The following C10orf90 variants were observed in gnomAD, a reference collection of about 807,000 sequenced individuals.
C10orf90 encodes (E2-independent) E3 ubiquitin-conjugating enzyme FATS.
C10orf90 carries 56 observed loss-of-function variants against 62.5 expected under a neutral mutation model. That is an observed-to-expected ratio of 0.90 (90% CI 0.72 to 1.12). The LOEUF is 1.12. Among genes scored for constraint, C10orf90 ranks in the 50% most tolerant of loss-of-function variants. The probability of loss-of-function intolerance (pLI) is 0.00; values close to 1 mark genes in which losing one functional copy is unlikely to be tolerated. For synonymous variants in C10orf90, 386 were observed against 340.4 expected, an observed-to-expected ratio of 1.13 and a Z score of -1.47; for missense variants, 970 against 880.4, an observed-to-expected ratio of 1.10 and a Z score of -1.29.
At chr10:126,592,977 C>G (rs1408522018) in intron 2 of C10orf90, among the ~76,000 whole-genome samples, 1 of 152,076 alleles carries the variant, frequency 6.6e-6, no homozygotes, top group Non-Finnish European at 1.5e-5. Flanking sequence ...ACGTCAAGAC[C>G]ACAATAAGAT....
intron 2 of C10orf90, among the ~76,000 whole-genome samples, chr10:126,619,017 C>G (rs1591149254): frequency 6.6e-6 from 1 of 152,244 alleles, no homozygotes; most frequent in East Asian, 1.9e-4. Context: ...GAGATCATGT[C>G]TTTTGCAGGG....
At chr10:126,594,224 G>A (rs1415995733) in intron 2 of C10orf90, among the ~76,000 whole-genome samples, 1 of 151,708 alleles carries the variant, frequency 6.6e-6, no homozygotes, top group Non-Finnish European at 1.5e-5. Flanking sequence ...GGACGGTATG[G>A]CTAGAAAGAT....
intron 2 of C10orf90, among the ~76,000 whole-genome samples, chr10:126,636,884 G>C (rs910596093): frequency 6.6e-6 from 1 of 152,002 alleles, no homozygotes; most frequent in Non-Finnish European, 1.5e-5. Context: ...TCTGCACAGC[G>C]GGGACCACAA....
chr10:126,600,565 C>A (rs533094339), intron 2 of C10orf90, among the ~76,000 whole-genome samples: 1 of 152,154 alleles, frequency 6.6e-6, no homozygotes, highest in African/African-American at 2.4e-5. Context: ...GGATGAGAAA[C>A]CCCCTCACCC....
At chr10:126,549,272 A>G (rs1193120941) in intron 2 of C10orf90, among the ~76,000 whole-genome samples, 1 of 152,226 alleles carries the variant, frequency 6.6e-6, no homozygotes, top group Non-Finnish European at 1.5e-5. Context: ...CTGACAAAGG[A>G]CTAATATCTA....
intron 2 of C10orf90, among the ~76,000 whole-genome samples, chr10:126,542,629 T>C (rs1321398963): frequency 3.3e-5 from 5 of 152,216 alleles, no homozygotes; most frequent in Admixed American, 6.5e-5. Flanking sequence ...AAACAGTTAA[T>C]TTCGTATTAT....
chr10:126,471,981 C>G (rs1860609325), intron 4 of C10orf90, among the ~76,000 whole-genome samples: 1 of 152,070 alleles, frequency 6.6e-6, no homozygotes, highest in East Asian at 1.9e-4. Flanking sequence ...AACAAGATTA[C>G]TTCGACTACA....
intron 7 of C10orf90, among the ~76,000 whole-genome samples, chr10:126,436,011 G>C (rs760572585): frequency 5.6e-4 from 85 of 152,188 alleles, no homozygotes; most frequent in Middle Eastern, 3.4e-3. Context: ...AGAGACAAAG[G>C]GTTCCCCATA....
chr10:126,517,415 G>A (rs535974761), intron 2 of C10orf90, among the ~76,000 whole-genome samples: 1 of 152,138 alleles, frequency 6.6e-6, no homozygotes, highest in Non-Finnish European at 1.5e-5. Context: ...ACTAAATAGG[G>A]CTTTGTCTCT....
intron 2 of C10orf90, among the ~76,000 whole-genome samples, chr10:126,573,429 T>A (rs1246254475): frequency 6.6e-6 from 1 of 152,224 alleles, no homozygotes; most frequent in South Asian, 2.1e-4. Flanking sequence ...ACTTCTTTTT[T>A]TCTTTGGAGG....
chr10:126,664,247 T>C (rs1000782839), intron 1 of C10orf90, among the ~76,000 whole-genome samples: 3 of 152,022 alleles, frequency 2.0e-5, no homozygotes, highest in Non-Finnish European at 2.9e-5. Flanking sequence ...AAAGGAAGTG[T>C]TTTGCCCCAA....
intron 3 of C10orf90, among the ~76,000 whole-genome samples, chr10:126,507,356 C>CAAAAAAAA (rs1204374185): frequency 7.2e-5 from 5 of 69,054 alleles, no homozygotes; most frequent in Admixed American, 1.6e-4. Context: ...GACTCCATCT[C>CAAAAAAAA]AAAAAAAAAA....
At chr10:126,546,800 A>C (rs1864503196) in intron 2 of C10orf90, among the ~76,000 whole-genome samples, 1 of 152,244 alleles carries the variant, frequency 6.6e-6, no homozygotes, top group Admixed American at 6.5e-5. Context: ...CCAGAGTTTT[A>C]TAACATGAGT....
rs1846176331 is a variant in C10orf90 at position 126,646,583 on chromosome 10, C to T, written c.295G>A (p.Glu99Lys). ...PKDHSAWERN[E>K]SLSNAGLRDS... The stretch of plus-strand genomic sequence containing the variant: ...CCTTTACCTGCATTGGAAAGACTTT[C>T]ATTTCTTTCCCAGGCAGAATGATCT... Residue 99 changes from glutamate to lysine, a missense_variant, in exon 2 of 10, where the codon GAA becomes AAA. Transcript: ENST00000488181. The T allele has an allele frequency of 2.2e-6, 1 of 450,556 alleles. No homozygotes were observed. The highest frequency in any genetic ancestry group is 7.1e-5 in the East Asian group (1 of 14,038). 27.9% of individuals were successfully genotyped at this position (450,556 alleles called of 1,614,324 possible).
intron 2 of C10orf90, among the ~76,000 whole-genome samples, chr10:126,553,701 T>C (rs902341514): frequency 1.3e-5 from 2 of 152,146 alleles, no homozygotes; most frequent in Non-Finnish European, 2.9e-5. Flanking sequence ...CCAAGGTATG[T>C]TGTAGGCTAT....
intron 2 of C10orf90, among the ~76,000 whole-genome samples, chr10:126,625,088 T>C (rs931956503): frequency 2.0e-5 from 3 of 152,190 alleles, no homozygotes; most frequent in African/African-American, 7.2e-5. Context: ...AGAGAGAGCC[T>C]GATGGGACCC....
intron 2 of C10orf90, among the ~76,000 whole-genome samples, chr10:126,643,237 G>T (rs1305405129): frequency 6.6e-6 from 1 of 152,196 alleles, no homozygotes; most frequent in East Asian, 1.9e-4. Flanking sequence ...TGCTGTGTGA[G>T]CACACCATGG....
At chr10:126,527,691 A>C (rs1863987040) in intron 2 of C10orf90, among the ~76,000 whole-genome samples, 1 of 152,376 alleles carries the variant, frequency 6.6e-6, no homozygotes, top group Non-Finnish European at 1.5e-5. Flanking sequence ...CCCATCTGCG[A>C]AACAGGGATT....
Position 126,529,461 on chromosome 10 carries a change from C to A in C10orf90, c.314-15522G>T, listed in dbSNP as rs12247793. 4.5e-3 allele frequency among the ~76,000 whole-genome samples: 684 copies of A among 152,140 alleles called. 4 individuals are homozygous for A. Among genetic ancestry groups the A allele is most frequent in the African/African-American group, 0.015 (635 of 41,500 alleles). On this transcript the variant is annotated intron_variant, in intron 2 of 9. Coordinates refer to ENST00000488181, the MANE Select transcript of C10orf90 (RefSeq NM_001350921.2). The stretch of plus-strand genomic sequence containing the variant: ...AATTTAGAAAAAGATGTTTGTAACC[C>A]ATATAACAGACAAAGGGTTATTATG...
Sources: gnomAD v4.1 joint callset for allele counts (sites outside exome capture counted in the v4.1 genomes callset) on GRCh38, gnomAD v4.1.1 for gene constraint, MANE v1.5 for transcripts, NCBI Gene and HGNC (gene_info 2026-07-23, HGNC 2026-07-21) for gene names.